SSH2: variants seen among roughly 807,000 people sequenced by gnomAD.
SSH2 encodes the protein protein phosphatase Slingshot homolog 2.
SSH2 carries 37 observed loss-of-function variants against 135.2 expected under a neutral mutation model. The observed-to-expected ratio is 0.27, with a 90% CI of 0.21 to 0.36. The LOEUF is 0.36. SSH2 is among the 10% of genes least tolerant of loss of function. The probability of loss-of-function intolerance (pLI) is 1.00; values close to 1 mark genes in which losing one functional copy is unlikely to be tolerated. For missense variants in SSH2, 1,408 were observed against 1,765.3 expected (o/e 0.80, Z 3.63); for synonymous variants, 628 against 646.2 (o/e 0.97, Z 0.43).
chr17:29,895,216 A>C (rs1033661528), intron 1 of SSH2, among the ~76,000 whole-genome samples: 1 of 142,776 alleles, frequency 7.0e-6, no homozygotes, highest in African/African-American at 2.6e-5. Flanking sequence ...TATTATATAT[A>C]TTTTATAAAT....
In SSH2 at chr17:29,823,451, C is replaced by T. The variant is rs887404897; in HGVS notation, c.144+25398G>A. On this transcript the variant is annotated intron_variant, in intron 2 of 15. Transcript: ENST00000540801. ...TGATGCCTTCCTTACATTCCTCCAG[C>T]TCTAACACCCCACATTGGGCCACCC... Among the ~76,000 whole-genome samples, 6 of 152,186 alleles carry T rather than the reference C, an allele frequency of 3.9e-5. No homozygotes were observed. In the East Asian group the frequency reaches 1.2e-3, roughly 29 times the overall value.
intron 1 of SSH2, among the ~76,000 whole-genome samples, chr17:29,898,456 C>T (rs1486877952): frequency 9.3e-5 from 14 of 151,108 alleles, no homozygotes; most frequent in East Asian, 7.8e-4. Context: ...ATATCACCAC[C>T]GATCCCACAG....
At chr17:29,709,857 T>C (rs2039373435) in intron 3 of SSH2, among the ~76,000 whole-genome samples, 1 of 152,176 alleles carries the variant, frequency 6.6e-6, no homozygotes, top group Non-Finnish European at 1.5e-5. Flanking sequence ...CAAGTTGTAA[T>C]ATCTGTTGGG....
At chr17:29,869,657 T>G (rs2065908198) in intron 1 of SSH2, among the ~76,000 whole-genome samples, 1 of 152,174 alleles carries the variant, frequency 6.6e-6, no homozygotes, top group Non-Finnish European at 1.5e-5. Context: ...GGGCAAGAGA[T>G]TAGCAGAGAC....
intron 3 of SSH2, among the ~76,000 whole-genome samples, chr17:29,767,909 A>T (rs987714449): frequency 2.0e-5 from 3 of 152,198 alleles, no homozygotes; most frequent in Non-Finnish European, 4.4e-5. Context: ...ATATTGAAAA[A>T]AATATTTGTG....
chr17:29,899,747 T>C (rs2066512366), intron 1 of SSH2, among the ~76,000 whole-genome samples: 1 of 152,138 alleles, frequency 6.6e-6, no homozygotes, highest in Non-Finnish European at 1.5e-5. Flanking sequence ...GATCAAGCTA[T>C]CAATGACTTT....
intron 1 of SSH2, among the ~76,000 whole-genome samples, chr17:29,916,469 C>CTTTT (rs60472572): frequency 7.2e-6 from 1 of 139,774 alleles, no homozygotes; most frequent in Admixed American, 7.2e-5. Context: ...TTTTTTCTTT[C>CTTTT]TTTTTTTTTT....
At chr17:29,714,681 AC>A (rs748830834) in intron 3 of SSH2, among the ~76,000 whole-genome samples, 20 of 151,850 alleles carry the variant, frequency 1.3e-4, no homozygotes, top group Non-Finnish European at 1.9e-4. Context: ...AAAGACCTTT[AC>A]TCCTTTTAGA....
chr17:29,770,842 T>C (rs2259855), intron 3 of SSH2, among the ~76,000 whole-genome samples: 91,195 of 152,134 alleles, frequency 0.6, 29,871 homozygotes, highest in African/African-American at 0.87. Context: ...TTCAGGTTTT[T>C]CATGTATAAC....
chr17:29,695,322 C>A, intron 5 of SSH2, 137 bp downstream of exon 5: 1 of 578,086 alleles, frequency 1.7e-6, no homozygotes, highest in Non-Finnish European at 3.0e-6. Flanking sequence ...CAAATTATTT[C>A]ACAACACTCC....
chr17:29,881,454 C>G (rs546950907), intron 1 of SSH2, among the ~76,000 whole-genome samples: 28 of 152,034 alleles, frequency 1.8e-4, no homozygotes, highest in African/African-American at 6.7e-4. Flanking sequence ...TTTGTTTGTT[C>G]TTTCATTCTT....
intron 1 of SSH2, among the ~76,000 whole-genome samples, chr17:29,914,484 G>C (rs2066844750): frequency 6.6e-6 from 1 of 151,226 alleles, no homozygotes; most frequent in African/African-American, 2.4e-5. Flanking sequence ...AGGATGGCTT[G>C]AGCCCAGGGG....
rs151023995 is a variant in SSH2, at chr17:29,829,538, T to C, written c.144+19311A>G. ...AGAGGGAAGAAGGGAGCCTGGGTTC[T>C]TCCTTCGCTGCTGTATTCACATTTC... is the stretch of plus-strand genomic sequence containing the variant. On this transcript the variant is annotated intron_variant, in intron 2 of 15. Coordinates refer to ENST00000540801, the MANE Select transcript of SSH2 (RefSeq NM_001282129.2). 3.0e-3 allele frequency among the ~76,000 whole-genome samples: 453 copies of C among 152,288 alleles called. 1 individual carries two copies. Among genetic ancestry groups the C allele is most frequent in the Non-Finnish European group, 3.7e-3 (253 of 68,000 alleles).
intron 2 of SSH2, among the ~76,000 whole-genome samples, chr17:29,801,511 T>C (rs1490953571): frequency 2.0e-5 from 3 of 152,216 alleles, no homozygotes; most frequent in African/African-American, 7.2e-5. Flanking sequence ...TATATTCTTT[T>C]CCAGTCTTCA....
intron 2 of SSH2, among the ~76,000 whole-genome samples, chr17:29,838,481 G>A (rs532813810): frequency 2.0e-5 from 3 of 152,230 alleles, no homozygotes; most frequent in Non-Finnish European, 2.9e-5. Flanking sequence ...TGCTGGTCCC[G>A]CAGACTGCAG....
intron 1 of SSH2, among the ~76,000 whole-genome samples, chr17:29,878,067 A>T (rs756974356): frequency 2.0e-5 from 3 of 152,156 alleles, no homozygotes; most frequent in Non-Finnish European, 4.4e-5. Context: ...CCTAGGTGAC[A>T]CAGCAAGACC....
intron 3 of SSH2, among the ~76,000 whole-genome samples, chr17:29,713,575 G>A (rs954909097): frequency 1.3e-5 from 2 of 152,036 alleles, no homozygotes; most frequent in Admixed American, 1.3e-4. Context: ...GAAGTAGTTG[G>A]GCCTAATTCA....
intron 3 of SSH2, chr17:29,780,556 C>G (rs949905678): frequency 6.6e-6 from 1 of 151,396 alleles, no homozygotes; most frequent in Non-Finnish European, 1.5e-5. Context: ...TCCCAAGTAG[C>G]AGGGATTACA....
chr17:29,907,287 CTCTTA>C (rs1427985501), intron 1 of SSH2, among the ~76,000 whole-genome samples: 2 of 151,642 alleles, frequency 1.3e-5, no homozygotes, highest in Non-Finnish European at 2.9e-5. Flanking sequence ...TGCACGTTCT[CTCTTA>C]TAAGTGGGAG....
Sources: gnomAD v4.1 joint callset for allele counts (sites outside exome capture counted in the v4.1 genomes callset) on GRCh38, gnomAD v4.1.1 for gene constraint, MANE v1.5 for transcripts, NCBI Gene and HGNC (gene_info 2026-07-23, HGNC 2026-07-21) for gene names.